The following ELP3 variants were observed in gnomAD, a reference collection of about 807,000 sequenced individuals.
The protein encoded by ELP3 is elongator complex protein 3.
Under a neutral mutation model 74.9 loss-of-function variants are expected in ELP3, and 56 were observed. The observed-to-expected ratio is 0.75, with a 90% CI of 0.60 to 0.93. ELP3 has a LOEUF of 0.93. Among genes scored for constraint, ELP3 ranks in the 40% least tolerant of loss-of-function variants. The probability of loss-of-function intolerance (pLI) is 0.00; values close to 1 mark genes in which losing one functional copy is unlikely to be tolerated. For missense variants in ELP3, 573 were observed against 686.5 expected, an observed-to-expected ratio of 0.83 and a Z score of 1.85; for synonymous variants, 222 against 239.8, an observed-to-expected ratio of 0.93 and a Z score of 0.68.
chr8:28,129,402 C>G (rs1381800083), intron 7 of ELP3, 100 bp from the exon 8 acceptor site: 1 of 1,251,496 alleles, frequency 8.0e-7, no homozygotes, highest in African/African-American at 1.5e-5. Flanking sequence ...CACTCTTTAC[C>G]ACTATCTCAT....
In ELP3 at chr8:28,190,857, C is replaced by G. The variant is rs938490419; in HGVS notation, c.*1132C>G. ...TACAGGCATGAGCCACCGCTCCCAG[C>G]CTTTGATTTTTTAAGGTGGATTTTG... On this transcript the variant is annotated 3_prime_UTR_variant, in exon 15 of 15. Transcript: ENST00000256398. 4 of 152,202 alleles carry G rather than the reference C, an allele frequency of 2.6e-5. No individual in the cohort carries two copies. Among genetic ancestry groups the G allele is most frequent in the African/African-American group, 9.7e-5 (4 of 41,444 alleles). The allele number at this position is 152,202 out of a possible 1,614,324, so 9.4% of individuals were successfully genotyped here. A position where few individuals can be genotyped will look rare whatever the true frequency, so the allele number is the denominator to read the frequency against.
intron 10 of ELP3, among the ~76,000 whole-genome samples, chr8:28,144,519 C>G (rs944038993): frequency 2.6e-5 from 4 of 152,146 alleles, no homozygotes; most frequent in South Asian, 4.1e-4. Context: ...GCTCAGGAGT[C>G]TGAGGTGGGA....
At chr8:28,121,089 A>G (rs934415596) in intron 7 of ELP3, among the ~76,000 whole-genome samples, 1 of 152,192 alleles carries the variant, frequency 6.6e-6, no homozygotes, top group Admixed American at 6.5e-5. Flanking sequence ...TGGATTTAGA[A>G]TTGTGTTAAA....
intron 14 of ELP3, among the ~76,000 whole-genome samples, chr8:28,165,851 G>A (rs1022817873): frequency 1.3e-5 from 2 of 152,104 alleles, no homozygotes; most frequent in Non-Finnish European, 2.9e-5. Context: ...TGCTACTTCA[G>A]TAGACTTTGT....
At chr8:28,139,749 A>G (rs1315899946) in intron 10 of ELP3, among the ~76,000 whole-genome samples, 3 of 152,206 alleles carry the variant, frequency 2.0e-5, no homozygotes, top group African/African-American at 7.2e-5. Flanking sequence ...GTTCGAGACC[A>G]GCCTGGCCAA....
chr8:28,111,571 A>T (rs1309685036), intron 6 of ELP3, among the ~76,000 whole-genome samples: 2 of 152,230 alleles, frequency 1.3e-5, no homozygotes, highest in African/African-American at 2.4e-5. Flanking sequence ...GAGGAACAGG[A>T]TTGTCGGTGA....
intron 7 of ELP3, among the ~76,000 whole-genome samples, chr8:28,122,318 A>C (rs934423039): frequency 6.6e-6 from 1 of 152,204 alleles, no homozygotes; most frequent in Non-Finnish European, 1.5e-5. Flanking sequence ...TCACAAAACA[A>C]GTAAGGATGT....
chr8:28,144,645 T>C lies in ELP3; in HGVS notation c.1100+6754T>C, dbSNP rs568917744. On this transcript the variant is annotated intron_variant, in intron 10 of 14. Transcript: ENST00000256398. ...CAAAAACAAAAACCCTGAAATTCCATTTCAAAGTGTTTCAAAATTTATATT... is the reference window on the plus strand; with the variant it reads ...CAAAAACAAAAACCCTGAAATTCCACTTCAAAGTGTTTCAAAATTTATATT... Among the ~76,000 whole-genome samples, 8 of 152,244 alleles carry C rather than the reference T, an allele frequency of 5.3e-5. No homozygotes were observed. In the South Asian group the frequency reaches 1.5e-3, roughly 28 times the overall value.
At chr8:28,174,373 G>C (rs989826786) in intron 14 of ELP3, among the ~76,000 whole-genome samples, 1 of 151,836 alleles carries the variant, frequency 6.6e-6, no homozygotes, top group Non-Finnish European at 1.5e-5. Context: ...AACCTGTTTT[G>C]ACTTAAAATT....
chr8:28,112,868 T>C, intron 6 of ELP3, 151 bp from the exon 7 acceptor site: 1 of 579,686 alleles, frequency 1.7e-6, no homozygotes, highest in Non-Finnish European at 2.7e-6. Context: ...TGGGCCTATT[T>C]TTTATCCACA....
At chr8:28,121,171 T>C (rs1812350610) in intron 7 of ELP3, among the ~76,000 whole-genome samples, 1 of 152,170 alleles carries the variant, frequency 6.6e-6, no homozygotes, top group African/African-American at 2.4e-5. Context: ...TATCTCCTTG[T>C]ATACTTAGGT....
At chr8:28,133,460 C>T (rs1211992050) in intron 9 of ELP3, among the ~76,000 whole-genome samples, 3 of 134,680 alleles carry the variant, frequency 2.2e-5, no homozygotes, top group African/African-American at 8.6e-5. Flanking sequence ...TGCCTCTAAG[C>T]TTAGAACTGC....
chr8:28,107,071 G>A (rs1252643204), intron 4 of ELP3, among the ~76,000 whole-genome samples: 3 of 152,062 alleles, frequency 2.0e-5, no homozygotes, highest in Non-Finnish European at 1.5e-5. Context: ...AGCACTGTGA[G>A]ACTCCGTCTC....
At chr8:28,102,373 A>G (rs1044662981) in intron 3 of ELP3, among the ~76,000 whole-genome samples, 3 of 152,110 alleles carry the variant, frequency 2.0e-5, no homozygotes, top group Non-Finnish European at 4.4e-5. Context: ...TTCCGTTCCT[A>G]CTGCCACTGG....
rs574879743 is a variant in ELP3, at chr8:28,125,655, AG to A, written c.618-3845del. 1.8e-3 allele frequency among the ~76,000 whole-genome samples: 276 copies of A among 152,280 alleles called. 1 individual carries two copies. Among genetic ancestry groups the A allele is most frequent in the Middle Eastern group, 3.4e-3 (1 of 294 alleles). ...AATAATAGATAGTGCTTCTGTCAAAAGGTCGCTTTCTTCTTTCCAGAAATAG... is the reference window on the plus strand; with the variant it reads ...AATAATAGATAGTGCTTCTGTCAAAAGTCGCTTTCTTCTTTCCAGAAATAG... On this transcript the variant is annotated intron_variant, in intron 7 of 14. Coordinates refer to ENST00000256398, the MANE Select transcript of ELP3 (RefSeq NM_018091.6).
At chr8:28,120,077 TG>T (rs1363327311) in intron 7 of ELP3, among the ~76,000 whole-genome samples, 2 of 152,324 alleles carry the variant, frequency 1.3e-5, no homozygotes, top group African/African-American at 4.8e-5. Flanking sequence ...TAAGTCTTTT[TG>T]TGGCTATATG....
intron 7 of ELP3, among the ~76,000 whole-genome samples, chr8:28,114,120 A>G (rs1812028177): frequency 6.6e-6 from 1 of 151,660 alleles, no homozygotes; most frequent in Non-Finnish European, 1.5e-5. Flanking sequence ...TTCCTTATTT[A>G]ACAAATCCTT....
rs988119866 is a variant in ELP3, at chr8:28,116,287, T to C, written c.617+3114T>C. Among the ~76,000 whole-genome samples, 7 of 152,264 alleles carry C rather than the reference T, an allele frequency of 4.6e-5. No individual in the cohort carries two copies. In the East Asian group the frequency reaches 1.4e-3, roughly 29 times the overall value. On this transcript the variant is annotated intron_variant, in intron 7 of 14. Coordinates refer to ENST00000256398, the MANE Select transcript of ELP3 (RefSeq NM_018091.6). ...TGAAAGGTTTGGCAGCTGGGAGAGT[T>C]TGTGTGGACAGCAGCCCACTTCTGT... is the stretch of plus-strand genomic sequence containing the variant.
chr8:28,154,858 C>T (rs2130533674), intron 10 of ELP3, among the ~76,000 whole-genome samples: 1 of 152,268 alleles, frequency 6.6e-6, no homozygotes, highest in East Asian at 1.9e-4. Context: ...AGTTTGAAAG[C>T]TCCAATGTGT....
Sources: allele counts gnomAD v4.1 joint callset (sites outside exome capture counted in the v4.1 genomes callset), GRCh38; gene constraint gnomAD v4.1.1; transcripts MANE v1.5; gene names NCBI Gene and HGNC (gene_info 2026-07-23, HGNC 2026-07-21).